The following TRPS1 variants were observed in gnomAD, a reference collection of about 807,000 sequenced individuals.
The protein encoded by TRPS1 is transcriptional repressor GATA binding 1, also known as zinc finger transcription factor Trps1.
In TRPS1, 6 loss-of-function variants were observed where a neutral mutation model predicts 101.2. That is an observed-to-expected ratio of 0.06 (90% confidence interval 0.03 to 0.12). The LOEUF is 0.12. Ranked by LOEUF, TRPS1 falls within the 10% of genes least tolerant of loss-of-function variation. TRPS1 has a pLI of 1.00. For synonymous variants in TRPS1, 578 were observed against 589.8 expected (o/e 0.98, Z 0.29); for missense variants, 1,363 against 1,567.0 (o/e 0.87, Z 2.20).
intron 5 of TRPS1, among the ~76,000 whole-genome samples, chr8:115,428,467 T>C (rs73367449): frequency 0.043 from 6,566 of 152,276 alleles, 432 homozygotes; most frequent in African/African-American, 0.15. Flanking sequence ...AAGTCAGATG[T>C]TAAAACGCAG....
Position 115,419,285 on chromosome 8 carries a change from T to C in TRPS1, c.2701-833A>G, listed in dbSNP as rs1277635749. Among the ~76,000 whole-genome samples, 4 of 152,110 alleles carry C rather than the reference T, an allele frequency of 2.6e-5. No individual in the cohort carries two copies. In the East Asian group the frequency reaches 7.7e-4, roughly 29 times the overall value. ...TTGTTCCATTCTTGCTATCAAGTAA[T>C]GATTCCATTAAACTTCTCACTTAAA... On this transcript the variant is annotated intron_variant, in intron 5 of 6. Coordinates refer to ENST00000395715, the MANE Select transcript of TRPS1 (RefSeq NM_014112.5).
At position 115,663,046 on chromosome 8, in the gene TRPS1, C is replaced by T. The variant is rs182757434; in HGVS notation, c.-122+5499G>A. ...TCCAAATAAGAAAGAAATAATGCAA[C>T]GCAAATACCCACTTTCCCCAAAACC... On this transcript the variant is annotated intron_variant, in intron 1 of 6. Coordinates refer to ENST00000395715, the MANE Select transcript of TRPS1 (RefSeq NM_014112.5). Among the ~76,000 whole-genome samples the T allele has an allele frequency of 4.2e-3, 633 of 151,940 alleles. 3 individuals are homozygous for T. Among genetic ancestry groups the T allele is most frequent in the Non-Finnish European group, 6.5e-3 (439 of 67,920 alleles).
intron 5 of TRPS1, among the ~76,000 whole-genome samples, chr8:115,465,119 A>T (rs1315141063): frequency 6.6e-6 from 1 of 152,084 alleles, no homozygotes. Flanking sequence ...TTTCAATTTC[A>T]CTTCAGAGTT....
chr8:115,549,918 A>C (rs182100689), intron 5 of TRPS1, among the ~76,000 whole-genome samples: 1 of 152,224 alleles, frequency 6.6e-6, no homozygotes, highest in East Asian at 1.9e-4. Flanking sequence ...AACAAACAAA[A>C]CAAAAATGAT....
rs148155047 is a variant in TRPS1 at position 115,588,916 on chromosome 8, G to A, written c.2097-1312C>T. On this transcript the variant is annotated intron_variant, in intron 4 of 6. Coordinates refer to ENST00000395715, the MANE Select transcript of TRPS1 (RefSeq NM_014112.5). ...TTGCCCACCTGCTGCTTAGAGTCTC[G>A]TCAGGAATGACTAGACAGGAAGTTT... Among the ~76,000 whole-genome samples the A allele has an allele frequency of 3.8e-3, 582 of 152,252 alleles. 4 individuals carry two copies. The highest frequency in any genetic ancestry group is 3.4e-3 in the Non-Finnish European group (228 of 68,030).
intron 5 of TRPS1, among the ~76,000 whole-genome samples, chr8:115,460,124 C>A (rs1441053336): frequency 6.6e-6 from 1 of 152,044 alleles, no homozygotes; most frequent in Non-Finnish European, 1.5e-5. Context: ...TGATATATCT[C>A]AAGTGCCAAA....
intron 5 of TRPS1, among the ~76,000 whole-genome samples, chr8:115,517,008 T>A (rs1815728976): frequency 6.6e-6 from 1 of 151,338 alleles, no homozygotes; most frequent in Non-Finnish European, 1.5e-5. Flanking sequence ...AAAAAAAAAA[T>A]TCCTTTTCCG....
At chr8:115,524,319 C>CTTTTTTTTTTTTTTTT (rs139406462) in intron 5 of TRPS1, among the ~76,000 whole-genome samples, 18 of 70,714 alleles carry the variant, frequency 2.5e-4, no homozygotes, top group Admixed American at 3.9e-4. Context: ...CTTCTTCTTC[C>CTTTTTTTTTTTTTTTT]TTTTTTTTTT....
intron 5 of TRPS1, among the ~76,000 whole-genome samples, chr8:115,585,727 C>T (rs982189212): frequency 5.9e-5 from 9 of 151,966 alleles, no homozygotes; most frequent in African/African-American, 2.2e-4. Context: ...CTTTTTTTCC[C>T]GAAGTTACTC....
At position 115,438,238 on chromosome 8, in the gene TRPS1, A is replaced by C. The variant is rs1371092751; in HGVS notation, c.2701-19786T>G. On this transcript the variant is annotated intron_variant, in intron 5 of 6. Coordinates refer to ENST00000395715, the MANE Select transcript of TRPS1 (RefSeq NM_014112.5). ...TTACCTGTAATTCATGTATTCTTTC[A>C]TTCATTTTAAATGCCATTCATTGAG... 2.6e-5 allele frequency among the ~76,000 whole-genome samples: 4 copies of C among 152,314 alleles called. No homozygotes were observed. The East Asian group carries it at 7.7e-4, about 29-fold the overall frequency.
intron 5 of TRPS1, among the ~76,000 whole-genome samples, chr8:115,545,503 T>C (rs1170527100): frequency 2.6e-5 from 4 of 152,194 alleles, no homozygotes; most frequent in African/African-American, 9.7e-5. Context: ...TTGCTACAAC[T>C]TAACTTAAAG....
chr8:115,616,906 T>A (rs143258810), intron 3 of TRPS1, among the ~76,000 whole-genome samples: 1 of 152,296 alleles, frequency 6.6e-6, no homozygotes, highest in Non-Finnish European at 1.5e-5. Flanking sequence ...AAAAGGAAAT[T>A]TCAGATGCGT....
In TRPS1 at chr8:115,641,349, T is replaced by C. The variant is rs57868086; in HGVS notation, c.-121-17591A>G. Among the ~76,000 whole-genome samples, 261 of 152,350 alleles carry C rather than the reference T, an allele frequency of 1.7e-3. 5 individuals carry two copies. The East Asian group carries it at 0.045, about 27-fold the overall frequency. Reference sequence around the variant, plus strand: ...CATTGCTTTCAAATGTGACATCATTTAAATTTTGGAATATTCCATTTTAGC... The same window carrying C: ...CATTGCTTTCAAATGTGACATCATTCAAATTTTGGAATATTCCATTTTAGC... On this transcript the variant is annotated intron_variant, in intron 1 of 6. Coordinates refer to ENST00000395715, the MANE Select transcript of TRPS1 (RefSeq NM_014112.5).
intron 5 of TRPS1, among the ~76,000 whole-genome samples, chr8:115,491,000 A>G (rs1007032656): frequency 2.0e-5 from 3 of 152,190 alleles, no homozygotes; most frequent in African/African-American, 7.2e-5. Flanking sequence ...GGAGGGACAT[A>G]TATTCTGAAT....
intron 5 of TRPS1, among the ~76,000 whole-genome samples, chr8:115,493,083 GTTC>G (rs997584108): frequency 6.6e-6 from 1 of 152,102 alleles, no homozygotes; most frequent in Non-Finnish European, 1.5e-5. Context: ...AAGTCTGTAA[GTTC>G]TTCTTGAAGC....
intron 5 of TRPS1, among the ~76,000 whole-genome samples, chr8:115,443,251 C>CA (rs1433498478): frequency 6.6e-6 from 1 of 152,140 alleles, no homozygotes; most frequent in African/African-American, 2.4e-5. Flanking sequence ...GCCTGGGTGA[C>CA]AGAGTGAGAC....
chr8:115,534,205 C>T (rs1301680402), intron 5 of TRPS1, among the ~76,000 whole-genome samples: 1 of 151,792 alleles, frequency 6.6e-6, no homozygotes, highest in Admixed American at 6.6e-5. Context: ...GAGATTGAAG[C>T]TCTAACTGCA....
chr8:115,611,629 A>G (rs1818168459), intron 3 of TRPS1, among the ~76,000 whole-genome samples: 1 of 152,206 alleles, frequency 6.6e-6, no homozygotes, highest in Non-Finnish European at 1.5e-5. Flanking sequence ...AGATGAGCTG[A>G]TATGTGAAGG....
At chr8:115,585,413 A>G (rs1373493083) in intron 5 of TRPS1, among the ~76,000 whole-genome samples, 5 of 152,194 alleles carry the variant, frequency 3.3e-5, no homozygotes, top group African/African-American at 1.2e-4. Flanking sequence ...TATGGTGTCA[A>G]ATGAAGATGT....
Sources: gnomAD v4.1 joint callset for allele counts (sites outside exome capture counted in the v4.1 genomes callset) on GRCh38, gnomAD v4.1.1 for gene constraint, MANE v1.5 for transcripts, NCBI Gene and HGNC (gene_info 2026-07-23, HGNC 2026-07-21) for gene names.